CSMD1: variants seen among roughly 807,000 people sequenced by gnomAD.
The protein encoded by CSMD1 is CUB and sushi domain-containing protein 1.
Under a neutral mutation model 417.5 loss-of-function variants are expected in CSMD1, and 213 were observed. The ratio of observed to expected loss-of-function variants is 0.51; its 90% CI spans 0.46 to 0.57. CSMD1 has a LOEUF of 0.57. Ranked by LOEUF, CSMD1 falls within the 20% of genes least tolerant of loss-of-function variation. The probability of loss-of-function intolerance (pLI) is 0.00; values close to 1 mark genes in which losing one functional copy is unlikely to be tolerated. For missense variants in CSMD1, 6,923 were observed against 4,529.7 expected (o/e 1.53, Z -15.17); for synonymous variants, 2,862 against 1,736.8 (o/e 1.65, Z -16.11).
intron 3 of CSMD1, among the ~76,000 whole-genome samples, chr8:4,196,445 C>T (rs1484254401): frequency 3.9e-5 from 6 of 152,142 alleles, no homozygotes; most frequent in Admixed American, 1.3e-4. Flanking sequence ...TCTGAAGCCT[C>T]TTAGGGAAAA....
At chr8:3,103,989 C>T (rs1337456132) in intron 46 of CSMD1, among the ~76,000 whole-genome samples, 1 of 151,972 alleles carries the variant, frequency 6.6e-6, no homozygotes, top group Non-Finnish European at 1.5e-5. Flanking sequence ...GTGATCTGCC[C>T]ACCTCGGCCT....
At chr8:3,979,441 T>C (rs555209861) in intron 5 of CSMD1, among the ~76,000 whole-genome samples, 4 of 152,294 alleles carry the variant, frequency 2.6e-5, no homozygotes, top group Admixed American at 2.0e-4. Context: ...CGTTGATAAA[T>C]GTGCATGCAA....
rs749684512 is a variant in CSMD1, at chr8:3,307,783, G to A, written c.3862C>T (p.Arg1288Ter). Residue 1288 changes from arginine (R) to a stop codon, truncating the protein, a stop_gained, in exon 25 of 70, where the codon CGA becomes TGA. Transcript: ENST00000635120. LOFTEE classifies it high-confidence loss of function. ...GGQIHAATSG[R>*]ILSPGYPAPY... is the part of the protein sequence containing the mutation. ...GCTGGATAGCCAGGGGACAATATTC[G>A]TCCTGATGTGGCTGCATGGATCTGA... 9 of 1,613,500 alleles carry A rather than the reference G, an allele frequency of 5.6e-6. No homozygotes were observed. The highest frequency in any genetic ancestry group is 1.1e-5 in the South Asian group (1 of 91,070).
intron 5 of CSMD1, among the ~76,000 whole-genome samples, chr8:3,849,112 G>A (rs1232537804): frequency 2.0e-5 from 3 of 152,038 alleles, no homozygotes; most frequent in Non-Finnish European, 2.9e-5. Context: ...GTAACAGAAA[G>A]TTACACTGAA....
chr8:4,440,267 G>C (rs573550461), intron 2 of CSMD1, among the ~76,000 whole-genome samples: 180 of 152,256 alleles, frequency 1.2e-3, no homozygotes, highest in African/African-American at 4.0e-3. Flanking sequence ...ATATTTATAA[G>C]ATGCTCACAG....
At chr8:3,765,665 G>A (rs370354382) in intron 5 of CSMD1, among the ~76,000 whole-genome samples, 6 of 152,236 alleles carry the variant, frequency 3.9e-5, no homozygotes, top group Non-Finnish European at 5.9e-5. Flanking sequence ...AGAACAGTAA[G>A]AGAATGCTGC....
rs1801416622 is a variant in CSMD1, at chr8:2,935,789, C to T, written c.*2796G>A. 6.6e-6 allele frequency: 1 copy of T among 151,974 alleles called. No homozygotes were observed. The highest frequency in any genetic ancestry group is 6.6e-5 in the Admixed American group (1 of 15,250). The allele number at this position is 151,974 out of a possible 1,614,324, so 9.4% of individuals were successfully genotyped here. On this transcript the variant is annotated 3_prime_UTR_variant, in exon 70 of 70. Coordinates refer to ENST00000635120, the MANE Select transcript of CSMD1 (RefSeq NM_033225.6). ...ATAATGCCAGCGTTCTTTTTTTTACCCCCTTTTTATAATAGCTTTTTGTTG... is the reference window on the plus strand; with the variant it reads ...ATAATGCCAGCGTTCTTTTTTTTACTCCCTTTTTATAATAGCTTTTTGTTG...
chr8:3,337,073 T>G (rs1585018780), intron 23 of CSMD1, among the ~76,000 whole-genome samples: 1 of 151,878 alleles, frequency 6.6e-6, no homozygotes, highest in African/African-American at 2.4e-5. Context: ...GGCCTTGCTG[T>G]CCCCCTGCCT....
At chr8:4,079,258 T>C (rs1049654381) in intron 3 of CSMD1, among the ~76,000 whole-genome samples, 6 of 152,148 alleles carry the variant, frequency 3.9e-5, no homozygotes, top group African/African-American at 7.2e-5. Context: ...CCATGGAGAA[T>C]AAAGTATAGG....
rs1563185043 is a variant in CSMD1 at position 3,893,363 on chromosome 8, T to TATATATATATATATATATATATA, written c.818+104539_818+104540insTATATATATATATATATATATAT. 9.4e-4 allele frequency among the ~76,000 whole-genome samples: 27 copies of TATATATATATATATATATATATA among 28,810 alleles called. 2 individuals are homozygous for TATATATATATATATATATATATA. Among genetic ancestry groups the TATATATATATATATATATATATA allele is most frequent in the African/African-American group, 1.5e-3 (19 of 12,924 alleles). 18.9% of individuals were successfully genotyped at this position (28,810 alleles called of 152,430 possible). On this transcript the variant is annotated intron_variant, in intron 5 of 69. Coordinates refer to ENST00000635120, the MANE Select transcript of CSMD1 (RefSeq NM_033225.6). ...TTTATATATATATATATATATATATTATTTTTTTTCTTAGAGGGTCATCAA... is the reference window on the plus strand; with the variant it reads ...TTTATATATATATATATATATATATTATATATATATATATATATATATAATTTTTTTTCTTAGAGGGTCATCAA...
chr8:3,821,865 G>C (rs1268169514), intron 5 of CSMD1, among the ~76,000 whole-genome samples: 10 of 152,170 alleles, frequency 6.6e-5, no homozygotes, highest in South Asian at 6.2e-4. Flanking sequence ...ATATGGGAAA[G>C]TCACACGGAG....
intron 10 of CSMD1, among the ~76,000 whole-genome samples, chr8:3,550,686 T>C (rs568617412): frequency 1.3e-5 from 2 of 152,310 alleles, no homozygotes; most frequent in South Asian, 2.1e-4. Context: ...ACACCTGAAA[T>C]CTTGCTATTT....
At chr8:4,398,943 T>C (rs1341524413) in intron 3 of CSMD1, among the ~76,000 whole-genome samples, 2 of 152,212 alleles carry the variant, frequency 1.3e-5, no homozygotes, top group East Asian at 3.8e-4. Flanking sequence ...GAATATATTC[T>C]TGAGAATGTT....
chr8:4,897,445 A>C (rs1259477496), intron 1 of CSMD1, among the ~76,000 whole-genome samples: 1 of 152,140 alleles, frequency 6.6e-6, no homozygotes, highest in Non-Finnish European at 1.5e-5. Context: ...ACTCTTTTCC[A>C]CTTGCTGATG....
chr8:4,329,972 C>A (rs1799776633), intron 3 of CSMD1, among the ~76,000 whole-genome samples: 1 of 152,038 alleles, frequency 6.6e-6, no homozygotes, highest in African/African-American at 2.4e-5. Flanking sequence ...CTGAGGTCTC[C>A]CCAAAAGCCA....
At chr8:4,489,761 G>T (rs963427902) in intron 2 of CSMD1, among the ~76,000 whole-genome samples, 1 of 152,180 alleles carries the variant, frequency 6.6e-6, no homozygotes, top group African/African-American at 2.4e-5. Flanking sequence ...GGTGTGAGAT[G>T]TTTGCCATGA....
At chr8:4,277,013 C>T (rs1796523984) in intron 3 of CSMD1, among the ~76,000 whole-genome samples, 1 of 152,006 alleles carries the variant, frequency 6.6e-6, no homozygotes. Context: ...AGTTTAAATT[C>T]AGAGAAAGGT....
intron 3 of CSMD1, among the ~76,000 whole-genome samples, chr8:4,143,133 C>T (rs10102180): frequency 1.3e-5 from 2 of 150,714 alleles, no homozygotes; most frequent in African/African-American, 5.0e-5. Context: ...TTGGAATTAG[C>T]ATTTCTAGAG....
intron 41 of CSMD1, among the ~76,000 whole-genome samples, chr8:3,141,278 G>A (rs539736299): frequency 6.6e-6 from 1 of 152,216 alleles, no homozygotes; most frequent in East Asian, 1.9e-4. Context: ...TATACCTGAG[G>A]AAATTATGAC....
Sources: gnomAD v4.1 joint callset for allele counts (sites outside exome capture counted in the v4.1 genomes callset) on GRCh38, gnomAD v4.1.1 for gene constraint, MANE v1.5 for transcripts, NCBI Gene and HGNC (gene_info 2026-07-23, HGNC 2026-07-21) for gene names.